AGBL4: variants seen among roughly 807,000 people sequenced by gnomAD.
The protein encoded by AGBL4 is cytosolic carboxypeptidase 6.
In AGBL4, 58 loss-of-function variants were observed where a neutral mutation model predicts 66.4. That is an observed-to-expected ratio of 0.87 (90% confidence interval 0.71 to 1.09). The LOEUF is 1.09. Ranked by LOEUF, AGBL4 falls within the 50% of genes least tolerant of loss-of-function variation. The pLI is 0.00. For missense variants in AGBL4, 579 were observed against 631.0 expected (o/e 0.92, Z 0.88); for synonymous variants, 234 against 222.9 (o/e 1.05, Z -0.44).
intron 3 of AGBL4, among the ~76,000 whole-genome samples, chr1:49,252,219 C>A (rs1364183736): frequency 1.3e-5 from 2 of 151,938 alleles, no homozygotes; most frequent in African/African-American, 4.8e-5. Context: ...ACATAACTGA[C>A]CTGATAGAGC....
intron 6 of AGBL4, among the ~76,000 whole-genome samples, chr1:48,786,397 G>A (rs990974620): frequency 3.9e-5 from 6 of 152,072 alleles, no homozygotes; most frequent in Non-Finnish European, 8.8e-5. Flanking sequence ...TCTTTGATTC[G>A]AAACTTAGGT....
At chr1:49,989,257 G>A (rs192350399) in intron 1 of AGBL4, among the ~76,000 whole-genome samples, 27 of 152,266 alleles carry the variant, frequency 1.8e-4, no homozygotes, top group Admixed American at 5.2e-4. Flanking sequence ...GTGAGGAAAG[G>A]GGAAAACAAG....
chr1:49,352,203 T>G (rs1013800840), intron 3 of AGBL4, among the ~76,000 whole-genome samples: 1 of 152,150 alleles, frequency 6.6e-6, no homozygotes, highest in Non-Finnish European at 1.5e-5. Context: ...GTTAGCCTAA[T>G]TGGAAAATAG....
intron 1 of AGBL4, among the ~76,000 whole-genome samples, chr1:49,981,980 C>T (rs1297751658): frequency 2.6e-5 from 4 of 152,142 alleles, no homozygotes; most frequent in East Asian, 1.9e-4. Flanking sequence ...GGATCCAGAG[C>T]GTAACTCTTG....
chr1:49,117,995 A>G lies in AGBL4; in HGVS notation c.378-72195T>C, dbSNP rs570603024. ...CCCTTTGTAGCAATTGTGAATGGGAATTCTCTCATGATTTGGCTCTCTGTC... is the reference window on the plus strand; with the variant it reads ...CCCTTTGTAGCAATTGTGAATGGGAGTTCTCTCATGATTTGGCTCTCTGTC... On this transcript the variant is annotated intron_variant, in intron 4 of 13. Coordinates refer to ENST00000371839, the MANE Select transcript of AGBL4 (RefSeq NM_032785.4). Among the ~76,000 whole-genome samples the G allele has an allele frequency of 4.5e-4, 69 of 152,124 alleles. 2 individuals are homozygous for G. In the East Asian group the frequency reaches 0.01, roughly 23 times the overall value.
At chr1:48,729,670 C>G (rs1263662100) in intron 6 of AGBL4, among the ~76,000 whole-genome samples, 1 of 152,042 alleles carries the variant, frequency 6.6e-6, no homozygotes, top group Non-Finnish European at 1.5e-5. Flanking sequence ...ATGCTGAGCC[C>G]TTCCCTGGGC....
chr1:48,689,274 A>G (rs1243304230), intron 6 of AGBL4, among the ~76,000 whole-genome samples: 5 of 151,724 alleles, frequency 3.3e-5, no homozygotes, highest in African/African-American at 1.2e-4. Context: ...GAGTCCTTAT[A>G]CTCAGAAAGC....
intron 5 of AGBL4, among the ~76,000 whole-genome samples, chr1:48,942,474 A>G (rs1187710262): frequency 1.3e-5 from 2 of 152,226 alleles, no homozygotes; most frequent in African/African-American, 4.8e-5. Context: ...TGAAACTATT[A>G]GAGGGCTGTT....
At chr1:49,457,502 CTG>C (rs1290093994) in intron 3 of AGBL4, among the ~76,000 whole-genome samples, 1 of 151,862 alleles carries the variant, frequency 6.6e-6, no homozygotes, top group Non-Finnish European at 1.5e-5. Context: ...TTCTCCCACT[CTG>C]TGAGTTGTCT....
intron 5 of AGBL4, among the ~76,000 whole-genome samples, chr1:48,997,548 C>G (rs1304406226): frequency 1.3e-5 from 2 of 152,166 alleles, no homozygotes; most frequent in Non-Finnish European, 2.9e-5. Flanking sequence ...ATCCAATTAT[C>G]AAACAAAATT....
At chr1:48,634,378 G>A (rs1645635475) in intron 9 of AGBL4, 115 bp downstream of exon 9, 1 of 789,838 alleles carries the variant, frequency 1.3e-6, no homozygotes, top group Non-Finnish European at 2.0e-6. Flanking sequence ...GTGCCTCCCT[G>A]GTTTTAGCTA....
intron 6 of AGBL4, chr1:48,761,611 G>C (rs1345745543): frequency 3.5e-6 from 3 of 846,356 alleles, no homozygotes; most frequent in Non-Finnish European, 5.3e-6. Flanking sequence ...CTCAAGGCTG[G>C]TTCCCTCTTG....
chr1:49,830,069 A>G (rs1000526853), intron 2 of AGBL4, among the ~76,000 whole-genome samples: 6 of 152,168 alleles, frequency 3.9e-5, no homozygotes, highest in Non-Finnish European at 8.8e-5. Context: ...CAGTGCTGCA[A>G]TAAACATACA....
intron 6 of AGBL4, among the ~76,000 whole-genome samples, chr1:48,731,586 G>A (rs1648137462): frequency 6.6e-6 from 1 of 152,224 alleles, no homozygotes; most frequent in African/African-American, 2.4e-5. Context: ...AAGCAGATCT[G>A]GGTGGTAAGC....
chr1:48,944,910 T>C (rs1482333010), intron 5 of AGBL4, among the ~76,000 whole-genome samples: 3 of 152,176 alleles, frequency 2.0e-5, no homozygotes, highest in African/African-American at 7.2e-5. Flanking sequence ...AACTCCACCA[T>C]AGGGGTTTAA....
chr1:49,510,536 C>T (rs1649126548), intron 3 of AGBL4, among the ~76,000 whole-genome samples: 1 of 150,648 alleles, frequency 6.6e-6, no homozygotes, highest in Non-Finnish European at 1.5e-5. Flanking sequence ...TGTAGGTTGC[C>T]TGTTCACTCT....
intron 3 of AGBL4, among the ~76,000 whole-genome samples, chr1:49,291,791 G>A (rs147404190): frequency 6.3e-4 from 96 of 152,290 alleles, no homozygotes; most frequent in Admixed American, 1.3e-3. Flanking sequence ...GCATGGCTGG[G>A]GCTGCACATT....
chr1:49,267,197 T>G (rs766679241), intron 3 of AGBL4, among the ~76,000 whole-genome samples: 8 of 152,196 alleles, frequency 5.3e-5, no homozygotes, highest in Non-Finnish European at 1.2e-4. Context: ...AAAGATGATG[T>G]GTAGTTCTGA....
intron 11 of AGBL4, among the ~76,000 whole-genome samples, chr1:48,573,955 G>A (rs1404570550): frequency 6.6e-6 from 1 of 152,202 alleles, no homozygotes; most frequent in Non-Finnish European, 1.5e-5. Context: ...CTGAGGCTCA[G>A]AGAGATTAGG....
Sources: allele counts gnomAD v4.1 joint callset (sites outside exome capture counted in the v4.1 genomes callset), GRCh38; gene constraint gnomAD v4.1.1; transcripts MANE v1.5; gene names NCBI Gene and HGNC (gene_info 2026-07-23, HGNC 2026-07-21).